The following ADAM22 variants were observed in gnomAD, a reference collection of about 807,000 sequenced individuals.
ADAM22 encodes ADAM metallopeptidase domain 22.
ADAM22 carries 65 observed loss-of-function variants against 144.6 expected under a neutral mutation model. The observed-to-expected ratio is 0.45, with a 90% CI of 0.37 to 0.55. The LOEUF (loss-of-function observed/expected upper bound fraction) is 0.55. Among genes scored for constraint, ADAM22 ranks in the 20% least tolerant of loss-of-function variants. The pLI is 0.00. For missense variants in ADAM22, 974 were observed against 1,184.9 expected (o/e 0.82, Z 2.61); for synonymous variants, 391 against 412.6 (o/e 0.95, Z 0.63).
chr7:87,974,007 C>A (rs1851224990), intron 2 of ADAM22, among the ~76,000 whole-genome samples: 1 of 151,428 alleles, frequency 6.6e-6, no homozygotes, highest in Non-Finnish European at 1.5e-5. Context: ...TTAATGGGTG[C>A]AGCACACCAA....
intron 24 of ADAM22, among the ~76,000 whole-genome samples, chr7:88,167,152 G>A (rs1319590432): frequency 6.6e-6 from 1 of 152,152 alleles, no homozygotes; most frequent in Non-Finnish European, 1.5e-5. Context: ...GACCTCTGAT[G>A]TATAAAAGGA....
At chr7:88,137,092 C>T (rs1356616011) in intron 14 of ADAM22, among the ~76,000 whole-genome samples, 1 of 152,122 alleles carries the variant, frequency 6.6e-6, no homozygotes, top group Non-Finnish European at 1.5e-5. Flanking sequence ...ATTCTTTATA[C>T]TTTTACTGTA....
intron 3 of ADAM22, among the ~76,000 whole-genome samples, chr7:88,057,229 G>A (rs1808501537): frequency 2.0e-5 from 3 of 151,866 alleles, no homozygotes; most frequent in Admixed American, 6.6e-5. Context: ...CAAAGTTCTA[G>A]GATTACAGGC....
At chr7:87,952,017 C>T (rs1845359296) in intron 2 of ADAM22, among the ~76,000 whole-genome samples, 1 of 149,468 alleles carries the variant, frequency 6.7e-6, no homozygotes, top group Admixed American at 6.6e-5. Flanking sequence ...GCTGAAGTTG[C>T]TTATCAGCTT....
At chr7:88,070,100 G>A (rs1469524898) in intron 3 of ADAM22, among the ~76,000 whole-genome samples, 2 of 152,042 alleles carry the variant, frequency 1.3e-5, no homozygotes, top group African/African-American at 4.8e-5. Context: ...GTCCAAGCTG[G>A]TGTGGTTCCA....
At chr7:87,970,049 A>ATACAG (rs1275084504) in intron 2 of ADAM22, among the ~76,000 whole-genome samples, 2 of 152,200 alleles carry the variant, frequency 1.3e-5, no homozygotes, top group Non-Finnish European at 2.9e-5. Flanking sequence ...TGCCATTGTA[A>ATACAG]TACAGTTCTG....
At chr7:88,121,288 T>G (rs1057026513) in intron 7 of ADAM22, among the ~76,000 whole-genome samples, 9 of 152,160 alleles carry the variant, frequency 5.9e-5, no homozygotes, top group Admixed American at 5.9e-4. Flanking sequence ...GGATTTTTAT[T>G]AGAATTGTAT....
chr7:88,051,095 C>A (rs182294960), intron 3 of ADAM22, among the ~76,000 whole-genome samples: 1 of 152,224 alleles, frequency 6.6e-6, no homozygotes, highest in East Asian at 1.9e-4. Flanking sequence ...CACTTTTACA[C>A]GTTGGTGGGA....
chr7:87,939,389 G>A (rs1842022599), intron 2 of ADAM22, among the ~76,000 whole-genome samples: 1 of 152,160 alleles, frequency 6.6e-6, no homozygotes, highest in African/African-American at 2.4e-5. Flanking sequence ...GACTTGCTGA[G>A]GAATTTGGAA....
chr7:88,134,247 C>T (rs944465198), intron 12 of ADAM22, 82 bp from the exon 13 acceptor site: 9 of 1,035,906 alleles, frequency 8.7e-6, no homozygotes, highest in Non-Finnish European at 1.1e-5. Flanking sequence ...TTATTTTCAG[C>T]GATATTGTGA....
chr7:88,108,266 T>C lies in ADAM22; in HGVS notation c.473+8T>C, dbSNP rs1437725977. On this transcript the variant is annotated splice_region_variant and intron_variant, in intron 5 of 31. Transcript: ENST00000413139. ...AACATGCCACGGACTTCAGTAAGTG[T>C]TCAAAAAGTTATTTTTACTGTTTGT... is the stretch of plus-strand genomic sequence containing the variant. 6.2e-7 allele frequency: 1 copy of C among 1,609,834 alleles called. No individual in the cohort carries two copies. Among genetic ancestry groups the C allele is most frequent in the African/African-American group, 1.3e-5 (1 of 74,658 alleles).
rs1355947626 is a variant in ADAM22, at chr7:87,948,456, A to G, written c.246+13270A>G. ...TTCTCCTCTGTGGATGTGGATTTTA[A>G]TGTCCCTTCTGCCCTTTATTGCTGG... is the stretch of plus-strand genomic sequence containing the variant. On this transcript the variant is annotated intron_variant, in intron 2 of 31. Coordinates refer to ENST00000413139, the MANE Select transcript of ADAM22 (RefSeq NM_001324418.2). Among the ~76,000 whole-genome samples the G allele has an allele frequency of 2.0e-5, 3 of 152,176 alleles. No individual in the cohort carries two copies. In the East Asian group the frequency reaches 5.8e-4, roughly 29 times the overall value.
rs1562916591 is a variant in ADAM22 at position 87,982,689 on chromosome 7, ATATATATATAAT to A, written c.323+4279_323+4290del. On this transcript the variant is annotated intron_variant, in intron 3 of 31. Coordinates refer to ENST00000413139, the MANE Select transcript of ADAM22 (RefSeq NM_001324418.2). The stretch of plus-strand genomic sequence containing the variant: ...TTATTACATATATATATATATATAT[ATATATATATAAT>A]TTTTTTTTTTGAGATACAGTTTTGC... Among the ~76,000 whole-genome samples the A allele has an allele frequency of 2.0e-4, 14 of 70,742 alleles. 1 individual carries two copies. Among genetic ancestry groups the A allele is most frequent in the Non-Finnish European group, 2.7e-4 (10 of 37,142 alleles). 46.4% of individuals were successfully genotyped at this position (70,742 alleles called of 152,430 possible).
At chr7:87,966,721 GT>G (rs71120012) in intron 2 of ADAM22, among the ~76,000 whole-genome samples, 3,425 of 38,694 alleles carry the variant, frequency 0.089, 6 homozygotes, top group East Asian at 0.16. Flanking sequence ...AAGGAAAGCC[GT>G]TTTTTTTTTT....
At chr7:88,021,911 C>T (rs1157774377) in intron 3 of ADAM22, among the ~76,000 whole-genome samples, 13 of 151,460 alleles carry the variant, frequency 8.6e-5, no homozygotes, top group East Asian at 5.8e-4. Flanking sequence ...CTCGCTCTGT[C>T]GCTCAGGCTG....
chr7:88,134,780 C>T lies in ADAM22; in HGVS notation c.1168+361C>T, dbSNP rs533455906. On this transcript the variant is annotated intron_variant, in intron 13 of 31. Coordinates refer to ENST00000413139, the MANE Select transcript of ADAM22 (RefSeq NM_001324418.2). The stretch of plus-strand genomic sequence containing the variant: ...TTTTTATGTTTTATTTAAAACATCT[C>T]TGAACATGGCCACAGAGGTAGAGTT... 1.1e-4 allele frequency among the ~76,000 whole-genome samples: 17 copies of T among 152,132 alleles called. No homozygotes were observed. The East Asian group carries it at 3.3e-3, about 29-fold the overall frequency.
chr7:88,196,689 A>G lies in ADAM22; in HGVS notation c.*198A>G, dbSNP rs1436061825. 3.3e-6 allele frequency: 2 copies of G among 603,346 alleles called. No homozygotes were observed. Among genetic ancestry groups the G allele is most frequent in the South Asian group, 2.0e-5 (1 of 48,956 alleles). 37.4% of individuals were successfully genotyped at this position (603,346 alleles called of 1,614,324 possible). On this transcript the variant is annotated 3_prime_UTR_variant, in exon 32 of 32. Transcript: ENST00000413139. ...TCATTGGCTTAGGATTTAACTAACC[A>G]TGAAAAGAACTACTGAAATATTACA...
rs578132554 is a variant in ADAM22, at chr7:88,139,215, C to T, written c.1220+3184C>T. 5.1e-3 allele frequency among the ~76,000 whole-genome samples: 773 copies of T among 152,120 alleles called. 10 individuals carry two copies. The highest frequency in any genetic ancestry group is 0.018 in the African/African-American group (729 of 41,508). Reference sequence around the variant, plus strand: ...GGTGGATCCTCTGAGGTCAGGAGTTCGAGACCAGCCTGGCCAACATGGCGA... The same window carrying T: ...GGTGGATCCTCTGAGGTCAGGAGTTTGAGACCAGCCTGGCCAACATGGCGA... On this transcript the variant is annotated intron_variant, in intron 14 of 31. Coordinates refer to ENST00000413139, the MANE Select transcript of ADAM22 (RefSeq NM_001324418.2).
rs1200194201 is a variant in ADAM22 at position 88,199,223 on chromosome 7, TAATA to T, written c.*2733_*2736del. The T allele has an allele frequency of 1.3e-5, 2 of 152,210 alleles. No individual in the cohort carries two copies. Among genetic ancestry groups the T allele is most frequent in the African/African-American group, 4.8e-5 (2 of 41,452 alleles). The allele number at this position is 152,210 out of a possible 1,614,324, so 9.4% of individuals were successfully genotyped here. On this transcript the variant is annotated 3_prime_UTR_variant, in exon 32 of 32. Coordinates refer to ENST00000413139, the MANE Select transcript of ADAM22 (RefSeq NM_001324418.2). ...CGTATCACAGTTTATATCATGCAAC[TAATA>T]TTTATATTTCCCAATCCACTACAAA... is the stretch of plus-strand genomic sequence containing the variant.
Sources: allele counts gnomAD v4.1 joint callset (sites outside exome capture counted in the v4.1 genomes callset), GRCh38; gene constraint gnomAD v4.1.1; transcripts MANE v1.5; gene names NCBI Gene and HGNC (gene_info 2026-07-23, HGNC 2026-07-21).